Variants in DPP6 observed in about 807,000 individuals in gnomAD.
The protein encoded by DPP6 is A-type potassium channel modulatory protein DPP6.
Under a neutral mutation model 122.6 loss-of-function variants are expected in DPP6, and 69 were observed. The ratio of observed to expected loss-of-function variants is 0.56; its 90% CI spans 0.46 to 0.69. DPP6 has a LOEUF of 0.69. Among genes scored for constraint, DPP6 ranks in the 30% least tolerant of loss-of-function variants. The probability of loss-of-function intolerance (pLI) is 0.00; values close to 1 mark genes in which losing one functional copy is unlikely to be tolerated. For synonymous variants in DPP6, 418 were observed against 433.1 expected (o/e 0.97, Z 0.43); for missense variants, 928 against 1,116.9 (o/e 0.83, Z 2.41).
chr7:154,106,090 G>A lies in DPP6; in HGVS notation c.243+53027G>A, dbSNP rs551887364. Among the ~76,000 whole-genome samples, 7 of 152,056 alleles carry A rather than the reference G, an allele frequency of 4.6e-5. 1 individual carries two copies. Among genetic ancestry groups the A allele is most frequent in the Non-Finnish European group, 7.4e-5 (5 of 68,026 alleles). Reference sequence around the variant, plus strand: ...CCATCTCCACAGCCCCCATGGAGAGGAGAGAAAGGGGTGGCAGACTCTGCC... The same window carrying A: ...CCATCTCCACAGCCCCCATGGAGAGAAGAGAAAGGGGTGGCAGACTCTGCC... On this transcript the variant is annotated intron_variant, in intron 1 of 25. Transcript: ENST00000377770.
intron 1 of DPP6, among the ~76,000 whole-genome samples, chr7:154,096,970 A>T (rs1295236997): frequency 6.6e-6 from 1 of 152,250 alleles, no homozygotes; most frequent in African/African-American, 2.4e-5. Context: ...CTGAGAGGAA[A>T]GACCCACGGT....
chr7:154,848,287 C>T (rs1802102817), intron 16 of DPP6, among the ~76,000 whole-genome samples: 1 of 152,184 alleles, frequency 6.6e-6, no homozygotes, highest in Non-Finnish European at 1.5e-5. Context: ...TACCTTCCCC[C>T]CAGAGCATAT....
At chr7:154,848,829 A>C (rs1802149229) in intron 16 of DPP6, among the ~76,000 whole-genome samples, 1 of 152,176 alleles carries the variant, frequency 6.6e-6, no homozygotes, top group Admixed American at 6.6e-5. Flanking sequence ...TTTTGAGTTG[A>C]TTATTGTATA....
chr7:153,856,753 A>T, the DPP6 span, among the ~76,000 whole-genome samples: 6 of 152,230 alleles, frequency 3.9e-5, no homozygotes, highest in African/African-American at 1.4e-4. Context: ...CTAATGACTC[A>T]TAATGGCATA....
intron 1 of DPP6, among the ~76,000 whole-genome samples, chr7:154,262,008 G>GGAGA (rs1181230036): frequency 5.9e-5 from 9 of 151,568 alleles, no homozygotes; most frequent in African/African-American, 1.9e-4. Flanking sequence ...AGGAAGGAAG[G>GGAGA]GAGGGAGAGA....
intron 1 of DPP6, among the ~76,000 whole-genome samples, chr7:153,917,741 T>A (rs1054257683): frequency 1.3e-5 from 2 of 152,252 alleles, no homozygotes; most frequent in African/African-American, 4.8e-5. Flanking sequence ...GGTGGATAGG[T>A]ACCTGTTTTT....
At chr7:153,810,584 A>T in the DPP6 span, among the ~76,000 whole-genome samples, 1 of 151,558 alleles carries the variant, frequency 6.6e-6, no homozygotes, top group African/African-American at 2.4e-5. Context: ...TGGAAATTTA[A>T]ATTGAATGAT....
chr7:154,047,064 C>G (rs1360159165), intron 1 of DPP6, among the ~76,000 whole-genome samples: 1 of 148,202 alleles, frequency 6.7e-6, no homozygotes, highest in Non-Finnish European at 1.5e-5. Flanking sequence ...TTTGGTTTTG[C>G]TGTTGCTTTG....
At chr7:154,730,312 G>C (rs1244000840) in intron 8 of DPP6, among the ~76,000 whole-genome samples, 1 of 152,106 alleles carries the variant, frequency 6.6e-6, no homozygotes, top group East Asian at 1.9e-4. Context: ...GGAGCTGCAG[G>C]GACCCAGGGA....
At chr7:154,417,893 CA>C (rs2151220243) in intron 1 of DPP6, among the ~76,000 whole-genome samples, 1 of 152,306 alleles carries the variant, frequency 6.6e-6, no homozygotes, top group African/African-American at 2.4e-5. Flanking sequence ...ACTGTTTTGC[CA>C]AAGGGCCATT....
chr7:154,844,316 T>C (rs1801784552), intron 16 of DPP6, among the ~76,000 whole-genome samples: 1 of 152,240 alleles, frequency 6.6e-6, no homozygotes. Context: ...TTGTTTCAGA[T>C]AGGTTTAAAG....
intron 18 of DPP6, among the ~76,000 whole-genome samples, chr7:154,869,386 G>T (rs73728624): frequency 2.0e-5 from 3 of 152,248 alleles, no homozygotes; most frequent in Non-Finnish European, 4.4e-5. Context: ...GCTGCATTGC[G>T]TAGAGCAGAA....
intron 1 of DPP6, among the ~76,000 whole-genome samples, chr7:154,364,253 C>T (rs1483893296): frequency 3.3e-5 from 5 of 152,178 alleles, no homozygotes; most frequent in Non-Finnish European, 7.3e-5. Context: ...TTGAAATTCA[C>T]CATACTCACA....
At chr7:154,137,649 G>GT (rs1795627836) in intron 1 of DPP6, among the ~76,000 whole-genome samples, 1 of 53,344 alleles carries the variant, frequency 1.9e-5, no homozygotes, top group Admixed American at 1.4e-4. Context: ...GGTGGGGGGG[G>GT]TGGGGGGGTG....
At chr7:154,390,715 T>C (rs979522783) in intron 1 of DPP6, among the ~76,000 whole-genome samples, 3 of 152,046 alleles carry the variant, frequency 2.0e-5, no homozygotes, top group Non-Finnish European at 4.4e-5. Context: ...AGCTGGGCCA[T>C]CGCCGCCGTC....
At chr7:153,918,441 C>A (rs1800423280) in intron 1 of DPP6, among the ~76,000 whole-genome samples, 1 of 129,736 alleles carries the variant, frequency 7.7e-6, no homozygotes, top group Non-Finnish European at 1.6e-5. Context: ...CACACACACA[C>A]ACACACACAC....
chr7:153,760,691 C>A, the DPP6 span, among the ~76,000 whole-genome samples: 2 of 152,104 alleles, frequency 1.3e-5, no homozygotes, highest in Non-Finnish European at 2.9e-5. Context: ...AAATAGGGCC[C>A]TTTTGCGTAT....
At chr7:154,608,940 A>T (rs1271273102) in intron 5 of DPP6, among the ~76,000 whole-genome samples, 1 of 152,158 alleles carries the variant, frequency 6.6e-6, no homozygotes, top group Non-Finnish European at 1.5e-5. Flanking sequence ...AAGAAAGTTT[A>T]ATCTATGTAT....
At chr7:154,770,443 G>C (rs951616820) in intron 9 of DPP6, among the ~76,000 whole-genome samples, 1 of 152,072 alleles carries the variant, frequency 6.6e-6, no homozygotes, top group African/African-American at 2.4e-5. Context: ...GATTTGGGTG[G>C]GGACACAGTC....
Sources: allele counts gnomAD v4.1 joint callset (sites outside exome capture counted in the v4.1 genomes callset), GRCh38; gene constraint gnomAD v4.1.1; transcripts MANE v1.5; gene names NCBI Gene and HGNC (gene_info 2026-07-23, HGNC 2026-07-21).